CEP78: variants seen among roughly 807,000 people sequenced by gnomAD.
CEP78 encodes the protein centrosomal protein 78.
Under a neutral mutation model 81.2 loss-of-function variants are expected in CEP78, and 76 were observed. The ratio of observed to expected loss-of-function variants is 0.94; its 90% CI spans 0.78 to 1.13. CEP78 has a LOEUF of 1.13. CEP78 is among the 50% of genes most tolerant of loss of function. The pLI, the probability that CEP78 is intolerant of heterozygous loss-of-function variation, is 0.00. For synonymous variants in CEP78, 293 were observed against 301.4 expected, an observed-to-expected ratio of 0.97 and a Z score of 0.29; for missense variants, 918 against 846.8, an observed-to-expected ratio of 1.08 and a Z score of -1.04.
chr9:78,254,779 C>T, intron 10 of CEP78, 57 bp from the exon 11 acceptor site: 1 of 1,407,236 alleles, frequency 7.1e-7, no homozygotes, highest in Non-Finnish European at 9.8e-7. Context: ...ATTAGATGTC[C>T]TTTAGTATTT....
intron 10 of CEP78, 89 bp from the exon 11 acceptor site, chr9:78,254,747 A>G (rs1826932305): frequency 9.7e-7 from 1 of 1,034,646 alleles, no homozygotes; most frequent in Non-Finnish European, 1.4e-6. Flanking sequence ...GAATGACTTA[A>G]CACTTCAGAA....
At chr9:78,267,914 G>A (rs1447789133) in intron 16 of CEP78, among the ~76,000 whole-genome samples, 2 of 152,070 alleles carry the variant, frequency 1.3e-5, no homozygotes, top group African/African-American at 4.8e-5. Context: ...CTTCTGGATG[G>A]TCTTGCCTGA....
At position 78,265,756 on chromosome 9, in the gene CEP78, T is replaced by C. The variant is rs971340061; in HGVS notation, c.1798-103T>C. The C allele has an allele frequency of 5.5e-5, 42 of 768,662 alleles. 1 individual carries two copies. The highest frequency in any genetic ancestry group is 4.6e-4 in the East Asian group (17 of 37,090). The allele number at this position is 768,662 out of a possible 1,614,324, so 47.6% of individuals were successfully genotyped here. A position where few individuals can be genotyped will look rare whatever the true frequency, so the allele number is the denominator to read the frequency against. ...AAATAAGAAAGTTCTTTTGAAACTT[T>C]ATGATTTAAAGTAGACTATCCTCAG... On this transcript the variant is annotated intron_variant, in intron 14 of 16. Transcript: ENST00000643273.
At chr9:78,261,725 A>AT (rs1827285034) in intron 11 of CEP78, among the ~76,000 whole-genome samples, 1 of 152,126 alleles carries the variant, frequency 6.6e-6, no homozygotes, top group African/African-American at 2.4e-5. Flanking sequence ...GCTTATTTCC[A>AT]TGTTTGGTTA....
In CEP78 at chr9:78,241,080, A is replaced by T. The variant is rs535131809; in HGVS notation, c.500-616A>T. Among the ~76,000 whole-genome samples the T allele has an allele frequency of 2.0e-5, 3 of 152,336 alleles. No individual in the cohort carries two copies. In the East Asian group the frequency reaches 5.8e-4, roughly 29 times the overall value. ...AGCAAAGTGCTGTATAGGAGCATAT[A>T]AAAGGCTGACAGACTTGGGGGGAAA... On this transcript the variant is annotated intron_variant, in intron 3 of 16. Transcript: ENST00000643273.
chr9:78,277,889 T>A lies in CEP78; in HGVS notation c.*7038T>A, dbSNP rs575960891. 1 of 152,326 alleles carries A rather than the reference T, an allele frequency of 6.6e-6. No homozygotes were observed. Among genetic ancestry groups the A allele is most frequent in the African/African-American group, 2.4e-5 (1 of 41,568 alleles). 9.4% of individuals were successfully genotyped at this position (152,326 alleles called of 1,614,324 possible). A position where few individuals can be genotyped will look rare whatever the true frequency, so the allele number is the denominator to read the frequency against. ...CTGACATATAACACTCTGCAGCAGA[T>A]AAAGACAATAGCTCTCTAGTGTGGA... is the stretch of plus-strand genomic sequence containing the variant. On this transcript the variant is annotated 3_prime_UTR_variant, in exon 17 of 17. Coordinates refer to ENST00000643273, the MANE Select transcript of CEP78 (RefSeq NM_001330691.3).
intron 11 of CEP78, among the ~76,000 whole-genome samples, 171 bp downstream of exon 11, chr9:78,255,135 G>C (rs1217588610): frequency 6.6e-6 from 1 of 152,076 alleles, no homozygotes; most frequent in Admixed American, 6.6e-5. Context: ...TAAAAGGGAG[G>C]ACGTCTGCAC....
chr9:78,266,405 GT>G (rs1316274830), intron 15 of CEP78, 36 bp from the exon 16 acceptor site: 1 of 1,493,836 alleles, frequency 6.7e-7, no homozygotes, highest in African/African-American at 1.4e-5. Flanking sequence ...GGATGGCTTT[GT>G]TTGTCACTAA....
At chr9:78,265,047 A>AGTAG (rs1274543835) in intron 13 of CEP78, among the ~76,000 whole-genome samples, 2 of 152,064 alleles carry the variant, frequency 1.3e-5, no homozygotes, top group African/African-American at 4.8e-5. Flanking sequence ...GGTGAGAGGC[A>AGTAG]GTAGGTGTGT....
At chr9:78,266,924 A>T in intron 16 of CEP78, 1 of 1,428,616 alleles carries the variant, frequency 7.0e-7, no homozygotes, top group Non-Finnish European at 9.1e-7. Context: ...AATCCAGTCC[A>T]CTAGAACATT....
Position 78,248,981 on chromosome 9 carries a change from G to A in CEP78, c.1069+108G>A, listed in dbSNP as rs376166135. 1.4e-3 allele frequency: 714 copies of A among 502,218 alleles called. 9 individuals are homozygous for A. In the South Asian group the frequency reaches 0.019, roughly 13 times the overall value. The allele number at this position is 502,218 out of a possible 1,614,324, so 31.1% of individuals were successfully genotyped here. ...GACAGTAACAACCAATATTGACTCCGTGCATATTATGAGGTCTGTAATTGT... is the reference window on the plus strand; with the variant it reads ...GACAGTAACAACCAATATTGACTCCATGCATATTATGAGGTCTGTAATTGT... On this transcript the variant is annotated intron_variant, in intron 8 of 16. Transcript: ENST00000643273.
chr9:78,242,717 A>AT (rs565113370), intron 4 of CEP78, among the ~76,000 whole-genome samples: 445 of 151,716 alleles, frequency 2.9e-3, no homozygotes, highest in Non-Finnish European at 3.6e-3. Context: ...ATGTAATGAG[A>AT]TTTTTTTTTC....
rs188369664 is a variant in CEP78 at position 78,262,148 on chromosome 9, C to T, written c.1381-759C>T. On this transcript the variant is annotated intron_variant, in intron 11 of 16. Transcript: ENST00000643273. ...GACCATTCATTAACTCTGGTTAAGACCCATATCATTGTTTTTAGTGGCTCC... is the reference window on the plus strand; with the variant it reads ...GACCATTCATTAACTCTGGTTAAGATCCATATCATTGTTTTTAGTGGCTCC... 3.3e-5 allele frequency among the ~76,000 whole-genome samples: 5 copies of T among 152,086 alleles called. No individual in the cohort carries two copies. The East Asian group carries it at 9.6e-4, about 29-fold the overall frequency.
At chr9:78,262,575 T>G (rs557795503) in intron 11 of CEP78, among the ~76,000 whole-genome samples, 1 of 152,256 alleles carries the variant, frequency 6.6e-6, no homozygotes, top group South Asian at 2.1e-4. Context: ...GGGCTTCCTA[T>G]TATAAGGGAT....
chr9:78,261,824 TA>T (rs1827289347), intron 11 of CEP78, among the ~76,000 whole-genome samples: 1 of 152,292 alleles, frequency 6.6e-6, no homozygotes, highest in Admixed American at 6.5e-5. Context: ...CTTTTTCCCA[TA>T]AAAACTTGGT....
At chr9:78,237,528 T>C (rs2118067474) in intron 1 of CEP78, among the ~76,000 whole-genome samples, 1 of 152,212 alleles carries the variant, frequency 6.6e-6, no homozygotes, top group African/African-American at 2.4e-5. Flanking sequence ...TGCAAAAGTT[T>C]TGGAAATAGG....
In CEP78 at chr9:78,240,025, T is replaced by G; in HGVS notation, c.256T>G (p.Ser86Ala). Residue 86 changes from serine to alanine, a missense_variant and splice_region_variant, in exon 2 of 17, where the codon TCT becomes GCT. Physicochemically the swap from Ser to Ala is moderately conservative, Grantham distance 99. Coordinates refer to ENST00000643273, the MANE Select transcript of CEP78 (RefSeq NM_001330691.3). ...ACTTTCTTTTATCTTTGTTTTAGGT[T>G]CTGACATGAATAAATTTTGCAGAAG... ...FFQPWLGDTG[S>A]DMNKFCRSRV... 6.4e-7 allele frequency: 1 copy of G among 1,568,282 alleles called. No homozygotes were observed. The highest frequency in any genetic ancestry group is 1.4e-5 in the African/African-American group (1 of 72,440).
intron 10 of CEP78, 71 bp downstream of exon 10, chr9:78,253,348 C>A (rs1204851536): frequency 1.3e-5 from 10 of 779,668 alleles, no homozygotes; most frequent in Non-Finnish European, 2.0e-5. Context: ...TCTCTGTGCT[C>A]TTTAAATTGA....
rs753099974 is a variant in CEP78 at position 78,240,343 on chromosome 9, A to T, written c.478A>T (p.Ile160Phe). 3 of 1,589,006 alleles carry T rather than the reference A, an allele frequency of 1.9e-6. No individual in the cohort carries two copies. Among genetic ancestry groups the T allele is most frequent in the Non-Finnish European group, 2.6e-6 (3 of 1,165,774 alleles). Residue 160 changes from isoleucine to phenylalanine, a missense_variant, in exon 3 of 17, where the codon ATT (isoleucine) becomes TTT (phenylalanine). Ile to Phe is a conservative substitution (Grantham distance 21). Coordinates refer to ENST00000643273, the MANE Select transcript of CEP78 (RefSeq NM_001330691.3). ...LVHLSLANCP[I>F]GDGGLEIICQ... ...GCACCTGTCTCTTGCAAATTGTCCA[A>T]TTGGAGATGGAGGTTTAGAAAGTGA...
Sources: gnomAD v4.1 joint callset for allele counts (sites outside exome capture counted in the v4.1 genomes callset) on GRCh38, gnomAD v4.1.1 for gene constraint, MANE v1.5 for transcripts, NCBI Gene and HGNC (gene_info 2026-07-23, HGNC 2026-07-21) for gene names.